The following TDRD10 variants were observed in gnomAD, a reference collection of about 807,000 sequenced individuals.
The protein encoded by TDRD10 is tudor domain containing 10.
In TDRD10, 40 loss-of-function variants were observed where a neutral mutation model predicts 48.0. That is an observed-to-expected ratio of 0.83 (90% CI 0.65 to 1.09). The LOEUF (loss-of-function observed/expected upper bound fraction) is 1.09. Ranked by LOEUF, TDRD10 falls within the 50% of genes least tolerant of loss-of-function variation. The pLI is 0.00. For missense variants in TDRD10, 378 were observed against 434.7 expected (o/e 0.87, Z 1.16); for synonymous variants, 162 against 170.4 (o/e 0.95, Z 0.38).
At chr1:154,538,490 C>T (rs931039522) in intron 6 of TDRD10, among the ~76,000 whole-genome samples, 2 of 135,118 alleles carry the variant, frequency 1.5e-5, no homozygotes, top group South Asian at 2.6e-4. Context: ...GTAGAGGTTG[C>T]GGTGAGCCGA....
intron 1 of TDRD10, 70 bp from the exon 2 acceptor site, chr1:154,506,807 A>T: frequency 7.5e-7 from 1 of 1,339,776 alleles, no homozygotes; most frequent in Non-Finnish European, 1.1e-6. Flanking sequence ...TTACCACAGT[A>T]CCTATTCGGT....
In TDRD10 at chr1:154,506,952, A is replaced by G. The variant is rs971704526; in HGVS notation, c.2+47A>G. 8 of 1,614,110 alleles carry G rather than the reference A, an allele frequency of 5.0e-6. No individual in the cohort carries two copies. The Admixed American group carries it at 1.3e-4, about 27-fold the overall frequency. On this transcript the variant is annotated intron_variant, in intron 2 of 12. Transcript: ENST00000368482. Reference sequence around the variant, plus strand: ...ATGAGCAAGCCTCGCTCCATCCCCCAGCCTTCTCTTTCTCCCATTCCTGTC... The same window carrying G: ...ATGAGCAAGCCTCGCTCCATCCCCCGGCCTTCTCTTTCTCCCATTCCTGTC...
intron 4 of TDRD10, among the ~76,000 whole-genome samples, chr1:154,519,003 G>C (rs1008119888): frequency 1.3e-5 from 2 of 152,172 alleles, no homozygotes; most frequent in Admixed American, 1.3e-4. Flanking sequence ...TGGAGTTCAA[G>C]TCCTAATTCT....
intron 6 of TDRD10, among the ~76,000 whole-genome samples, chr1:154,538,883 G>A (rs1192713894): frequency 1.3e-5 from 2 of 151,914 alleles, no homozygotes; most frequent in Non-Finnish European, 2.9e-5. Flanking sequence ...AAGAAGAGAG[G>A]CAGAACGTGG....
chr1:154,530,647 A>G (rs1694565625), intron 6 of TDRD10, among the ~76,000 whole-genome samples: 1 of 151,504 alleles, frequency 6.6e-6, no homozygotes, highest in African/African-American at 2.4e-5. Flanking sequence ...TCAGAGTTTA[A>G]TTGTGATATG....
At chr1:154,508,380 A>C in intron 3 of TDRD10, 43 bp from the exon 4 acceptor site, 149 of 1,342,482 alleles carry the variant, frequency 1.1e-4, no homozygotes, top group Non-Finnish European at 1.5e-4. Context: ...TGAATCCTCT[A>C]ACCGTATGTA....
intron 6 of TDRD10, among the ~76,000 whole-genome samples, chr1:154,531,535 G>C (rs1465303115): frequency 6.6e-6 from 1 of 152,120 alleles, no homozygotes; most frequent in Non-Finnish European, 1.5e-5. Context: ...CACATCTGGA[G>C]TTGTTCATTC....
At chr1:154,518,769 C>G (rs1347451967) in intron 4 of TDRD10, among the ~76,000 whole-genome samples, 1 of 152,152 alleles carries the variant, frequency 6.6e-6, no homozygotes, top group Admixed American at 6.5e-5. Flanking sequence ...CCACTGTAGC[C>G]TGAAAGCAGC....
chr1:154,503,777 T>G (rs960749086), intron 1 of TDRD10, among the ~76,000 whole-genome samples: 2 of 152,166 alleles, frequency 1.3e-5, no homozygotes, highest in African/African-American at 2.4e-5. Flanking sequence ...TTTGTGTGGG[T>G]GGTGGTTTGT....
At chr1:154,522,891 A>G (rs1694128635) in intron 6 of TDRD10, among the ~76,000 whole-genome samples, 1 of 151,668 alleles carries the variant, frequency 6.6e-6, no homozygotes, top group African/African-American at 2.4e-5. Context: ...TTCGACTAAG[A>G]GTCCAGTCAC....
chr1:154,509,111 T>TTG (rs386368359), intron 4 of TDRD10, among the ~76,000 whole-genome samples: 1 of 151,372 alleles, frequency 6.6e-6, no homozygotes, highest in Non-Finnish European at 1.5e-5. Context: ...TTTTTTTTTT[T>TTG]TGGCATCTAC....
chr1:154,546,251 T>G (rs1695559373), intron 11 of TDRD10, among the ~76,000 whole-genome samples: 1 of 147,248 alleles, frequency 6.8e-6, no homozygotes, highest in Non-Finnish European at 1.5e-5. Flanking sequence ...TTTTTATATT[T>G]TTAATAGTGA....
Position 154,540,541 on chromosome 1 carries a change from T to C in TDRD10, c.370-1483T>C, listed in dbSNP as rs1194449875. On this transcript the variant is annotated intron_variant, in intron 6 of 12. Transcript: ENST00000368482. ...AAAAAAAAAAAAAAATGCCGTTCAC[T>C]CAAATGGAGAAAGCTAGGCTGGGGA... is the stretch of plus-strand genomic sequence containing the variant. 1.3e-4 allele frequency among the ~76,000 whole-genome samples: 19 copies of C among 143,302 alleles called. No individual in the cohort carries two copies. In the East Asian group the frequency reaches 3.2e-3, roughly 24 times the overall value. 94.0% of individuals were successfully genotyped at this position (143,302 alleles called of 152,430 possible). A position where few individuals can be genotyped will look rare whatever the true frequency, so the allele number is the denominator to read the frequency against.
At chr1:154,540,477 C>T (rs1695159025) in intron 6 of TDRD10, among the ~76,000 whole-genome samples, 1 of 133,114 alleles carries the variant, frequency 7.5e-6, no homozygotes, top group Non-Finnish European at 1.5e-5. Context: ...TCAAGACCAG[C>T]CTGGGCAACA....
chr1:154,541,999 T>C lies in TDRD10; in HGVS notation c.370-25T>C, dbSNP rs770736542. ...TAAAACAAATGCCACCATGGCTGAG[T>C]GAGACCTTTCATTTTTCTTCCCAGG... is the stretch of plus-strand genomic sequence containing the variant. On this transcript the variant is annotated intron_variant, in intron 6 of 12. Coordinates refer to ENST00000368482, the MANE Select transcript of TDRD10 (RefSeq NM_182499.4). The C allele has an allele frequency of 2.5e-6, 4 of 1,613,102 alleles. No homozygotes were observed. The African/African-American group carries it at 5.3e-5, about 22-fold the overall frequency.
intron 1 of TDRD10, among the ~76,000 whole-genome samples, chr1:154,505,014 A>G (rs569374169): frequency 6.6e-6 from 1 of 152,282 alleles, no homozygotes; most frequent in South Asian, 2.1e-4. Context: ...ACAACAAAAA[A>G]CTACACAAAT....
At chr1:154,525,566 A>G (rs1694268816) in intron 6 of TDRD10, among the ~76,000 whole-genome samples, 1 of 152,192 alleles carries the variant, frequency 6.6e-6, no homozygotes, top group African/African-American at 2.4e-5. Flanking sequence ...TGATTGAAGA[A>G]GTAGGTAACA....
chr1:154,531,908 T>C (rs995352177), intron 6 of TDRD10, among the ~76,000 whole-genome samples: 4 of 152,190 alleles, frequency 2.6e-5, no homozygotes, highest in Middle Eastern at 3.2e-3. Flanking sequence ...AGAGTGTCGA[T>C]TGGTGTATTC....
intron 6 of TDRD10, among the ~76,000 whole-genome samples, chr1:154,537,232 T>A (rs1469381862): frequency 1.3e-5 from 2 of 152,200 alleles, no homozygotes; most frequent in African/African-American, 4.8e-5. Context: ...CTGACGTTTG[T>A]CTCTTCATCC....
Sources: gnomAD v4.1 joint callset for allele counts (sites outside exome capture counted in the v4.1 genomes callset) on GRCh38, gnomAD v4.1.1 for gene constraint, MANE v1.5 for transcripts, NCBI Gene and HGNC (gene_info 2026-07-23, HGNC 2026-07-21) for gene names.